SCAI: variants seen among roughly 807,000 people sequenced by gnomAD.
SCAI encodes the protein suppressor of cancer cell invasion, also known as protein SCAI.
A neutral mutation model predicts 92.2 loss-of-function variants in SCAI; 24 were observed. That is an observed-to-expected ratio of 0.26 (90% CI 0.19 to 0.37). The LOEUF is 0.37. Ranked by LOEUF, SCAI falls within the 10% of genes least tolerant of loss-of-function variation. The probability of loss-of-function intolerance (pLI) is 1.00; values close to 1 mark genes in which losing one functional copy is unlikely to be tolerated. For missense variants in SCAI, 450 were observed against 736.2 expected (o/e 0.61, Z 4.50); for synonymous variants, 261 against 258.6 (o/e 1.01, Z -0.09).
At chr9:124,962,034 T>C (rs1391719297) in intron 17 of SCAI, among the ~76,000 whole-genome samples, 1 of 152,118 alleles carries the variant, frequency 6.6e-6, no homozygotes, top group Non-Finnish European at 1.5e-5. Context: ...CAAAGCTCTT[T>C]TGAAAATTAT....
chr9:125,088,043 G>T (rs610959), intron 2 of SCAI, among the ~76,000 whole-genome samples: 65,953 of 151,544 alleles, frequency 0.44, 14,700 homozygotes, highest in East Asian at 0.53. Context: ...AATTTAAAAT[G>T]TTTCATTTAA....
At chr9:125,103,879 T>A (rs761375645) in intron 2 of SCAI, among the ~76,000 whole-genome samples, 1 of 152,218 alleles carries the variant, frequency 6.6e-6, no homozygotes, top group African/African-American at 2.4e-5. Context: ...GTTAGTGTTA[T>A]ATAATTCATC....
At chr9:125,020,841 T>G (rs1832857114) in intron 6 of SCAI, 72 bp from the exon 7 acceptor site, 2 of 659,364 alleles carry the variant, frequency 3.0e-6, no homozygotes, top group South Asian at 4.2e-5. Context: ...AATTTTCTGA[T>G]AGCTTTTAAA....
chr9:125,036,891 C>T (rs1269925187), intron 3 of SCAI, among the ~76,000 whole-genome samples: 1 of 152,120 alleles, frequency 6.6e-6, no homozygotes, highest in Non-Finnish European at 1.5e-5. Context: ...GAGGCTAAGG[C>T]GGGAAGAGCA....
At chr9:125,048,811 T>C (rs906216829) in intron 3 of SCAI, among the ~76,000 whole-genome samples, 1 of 152,144 alleles carries the variant, frequency 6.6e-6, no homozygotes, top group Non-Finnish European at 1.5e-5. Flanking sequence ...AATGGCGTGA[T>C]CTCGGCTCAC....
At chr9:125,098,248 G>C (rs557364787) in intron 2 of SCAI, among the ~76,000 whole-genome samples, 19 of 151,624 alleles carry the variant, frequency 1.3e-4, no homozygotes, top group Non-Finnish European at 2.6e-4. Flanking sequence ...GGAGAGACTG[G>C]GTCTTGCTAT....
intron 17 of SCAI, chr9:124,968,516 A>G (rs2131585416): frequency 2.3e-6 from 2 of 859,684 alleles, no homozygotes; most frequent in East Asian, 4.8e-5. Flanking sequence ...CTAGATCTCT[A>G]CCCAGTTTAC....
intron 3 of SCAI, among the ~76,000 whole-genome samples, chr9:125,046,593 G>T (rs1381874763): frequency 1.3e-5 from 2 of 150,176 alleles, no homozygotes; most frequent in Non-Finnish European, 3.0e-5. Flanking sequence ...CTACACATTG[G>T]GTACAGTGTA....
chr9:124,958,542 T>A (rs1015119176), intron 17 of SCAI, among the ~76,000 whole-genome samples: 3 of 152,036 alleles, frequency 2.0e-5, no homozygotes, highest in Non-Finnish European at 4.4e-5. Context: ...ATCTCACACT[T>A]TAAACAAAAA....
chr9:125,118,028 G>A (rs149919591), intron 2 of SCAI, among the ~76,000 whole-genome samples: 19 of 152,020 alleles, frequency 1.2e-4, no homozygotes, highest in Admixed American at 1.1e-3. Flanking sequence ...AGCACTCTGC[G>A]AAAAAAGTTA....
In SCAI at chr9:125,143,464, G is replaced by A. The variant is rs1014119520; in HGVS notation, c.-27C>T. ...CGGCTCCTGCTCCGCCGCGGGAGCT[G>A]CTCCGGCGGCCGCAGGGCTCGCTCG... On this transcript the variant is annotated 5_prime_UTR_variant, in exon 1 of 18. Transcript: ENST00000336505. 7.5e-7 allele frequency: 1 copy of A among 1,337,420 alleles called. No homozygotes were observed. The highest frequency in any genetic ancestry group is 9.6e-7 in the Non-Finnish European group (1 of 1,043,422). 82.8% of individuals were successfully genotyped at this position (1,337,420 alleles called of 1,614,324 possible). A position where few individuals can be genotyped will look rare whatever the true frequency, so the allele number is the denominator to read the frequency against.
intron 9 of SCAI, among the ~76,000 whole-genome samples, chr9:125,004,762 TATATATA>T (rs1832453713): frequency 6.5e-4 from 6 of 9,210 alleles, no homozygotes; most frequent in Non-Finnish European, 1.2e-3. Flanking sequence ...TATATATATA[TATATATA>T]TATATATATA....
chr9:125,048,920 T>C (rs1481008975), intron 3 of SCAI, among the ~76,000 whole-genome samples: 1 of 151,874 alleles, frequency 6.6e-6, no homozygotes, highest in Non-Finnish European at 1.5e-5. Context: ...TAATTTTGTA[T>C]TTTTAGTAGA....
chr9:125,068,740 T>G (rs1025812263), intron 2 of SCAI, among the ~76,000 whole-genome samples: 7 of 152,106 alleles, frequency 4.6e-5, no homozygotes, highest in African/African-American at 1.7e-4. Flanking sequence ...GTTGTGAAGA[T>G]AAAAATAAGA....
chr9:125,126,635 T>A (rs1235649948), intron 2 of SCAI, among the ~76,000 whole-genome samples: 1 of 151,984 alleles, frequency 6.6e-6, no homozygotes, highest in Non-Finnish European at 1.5e-5. Context: ...ACCAGTCTTT[T>A]AAAAACCCAA....
intron 2 of SCAI, among the ~76,000 whole-genome samples, chr9:125,089,128 CTAA>C (rs1834379438): frequency 6.6e-6 from 1 of 152,198 alleles, no homozygotes; most frequent in Non-Finnish European, 1.5e-5. Flanking sequence ...TTCTACATAT[CTAA>C]TAATGATTTT....
intron 2 of SCAI, among the ~76,000 whole-genome samples, chr9:125,120,023 C>G (rs548880019): frequency 1.3e-5 from 2 of 152,266 alleles, no homozygotes; most frequent in South Asian, 4.1e-4. Flanking sequence ...AAACGTGACA[C>G]GTCGTTTGAG....
intron 5 of SCAI, 86 bp downstream of exon 5, chr9:125,028,306 G>A (rs531116434): frequency 1.4e-6 from 1 of 720,658 alleles, no homozygotes. Flanking sequence ...TTCATGCCTA[G>A]CAATGAGTAT....
chr9:124,981,712 T>C (rs1831889963), intron 14 of SCAI, among the ~76,000 whole-genome samples: 1 of 152,038 alleles, frequency 6.6e-6, no homozygotes, highest in Non-Finnish European at 1.5e-5. Context: ...TACAGTGGTG[T>C]GATCATAGCT....
Sources: gnomAD v4.1 joint callset for allele counts (sites outside exome capture counted in the v4.1 genomes callset) on GRCh38, gnomAD v4.1.1 for gene constraint, MANE v1.5 for transcripts, NCBI Gene and HGNC (gene_info 2026-07-23, HGNC 2026-07-21) for gene names.